VTI1A: variants seen among roughly 807,000 people sequenced by gnomAD.
VTI1A encodes vesicle transport through interaction with t-SNAREs homolog 1A.
VTI1A carries 22 observed loss-of-function variants against 34.9 expected under a neutral mutation model. The ratio of observed to expected loss-of-function variants is 0.63; its 90% CI spans 0.45 to 0.90. The LOEUF (loss-of-function observed/expected upper bound fraction) is 0.90. Ranked by LOEUF, VTI1A falls within the 40% of genes least tolerant of loss-of-function variation. VTI1A has a pLI of 0.00. For synonymous variants in VTI1A, 87 were observed against 97.3 expected, an observed-to-expected ratio of 0.89 and a Z score of 0.62; for missense variants, 268 against 275.6, an observed-to-expected ratio of 0.97 and a Z score of 0.20.
At chr10:112,628,705 A>G (rs763808817) in intron 5 of VTI1A, among the ~76,000 whole-genome samples, 4 of 152,174 alleles carry the variant, frequency 2.6e-5, no homozygotes, top group Non-Finnish European at 5.9e-5. Flanking sequence ...TTGCTGCTTT[A>G]CGGTTTTCTT....
Position 112,697,403 on chromosome 10 carries a change from T to TC in VTI1A, c.560+28405_560+28406insC, listed in dbSNP as rs56785135. On this transcript the variant is annotated intron_variant, in intron 7 of 7. Transcript: ENST00000393077. Reference sequence around the variant, plus strand: ...TCTTTTCTTTTCTTTTCTTTTCTTTTTTTTTTTTTTTTTGAGAGAGTGTTT... The same window carrying TC: ...TCTTTTCTTTTCTTTTCTTTTCTTTTCTTTTTTTTTTTTTGAGAGAGTGTTT... Among the ~76,000 whole-genome samples, 889 of 146,584 alleles carry TC rather than the reference T, an allele frequency of 6.1e-3. 7 individuals are homozygous for TC. The highest frequency in any genetic ancestry group is 9.8e-3 in the Non-Finnish European group (646 of 66,210).
chr10:112,719,693 T>C (rs1849731384), intron 7 of VTI1A, among the ~76,000 whole-genome samples: 1 of 152,142 alleles, frequency 6.6e-6, no homozygotes, highest in Admixed American at 6.5e-5. Context: ...ATTACAGGCA[T>C]GCGCCACCAC....
intron 7 of VTI1A, among the ~76,000 whole-genome samples, chr10:112,686,839 G>C (rs1564883691): frequency 3.3e-5 from 5 of 152,086 alleles, no homozygotes. Flanking sequence ...GTTTTTCTAA[G>C]GCTTCTGAAA....
chr10:112,706,975 A>T (rs1417293400), intron 7 of VTI1A, among the ~76,000 whole-genome samples: 4 of 152,198 alleles, frequency 2.6e-5, no homozygotes, highest in Non-Finnish European at 5.9e-5. Context: ...AACACAAAAA[A>T]ATGTGGTGAG....
At chr10:112,836,525 G>A in the VTI1A span, among the ~76,000 whole-genome samples, 2 of 152,066 alleles carry the variant, frequency 1.3e-5, no homozygotes, top group Non-Finnish European at 2.9e-5. Flanking sequence ...CTTTCCCTCC[G>A]CTACCTCATA....
intron 7 of VTI1A, among the ~76,000 whole-genome samples, chr10:112,673,250 A>G (rs1847912062): frequency 6.6e-6 from 1 of 151,122 alleles, no homozygotes; most frequent in Non-Finnish European, 1.5e-5. Context: ...GGGAGGCGAA[A>G]GGTTGCAGCG....
intron 3 of VTI1A, among the ~76,000 whole-genome samples, chr10:112,490,632 CTAAG>C (rs1342427557): frequency 7.5e-6 from 1 of 133,908 alleles, no homozygotes; most frequent in East Asian, 2.1e-4. Context: ...TTTTTTTAAA[CTAAG>C]TATTGTTCTG....
the VTI1A span, among the ~76,000 whole-genome samples, chr10:112,837,033 TG>T: frequency 6.6e-6 from 1 of 152,186 alleles, no homozygotes; most frequent in Non-Finnish European, 1.5e-5. Flanking sequence ...ATCAAAATCC[TG>T]GGAAGGGGCT....
At chr10:112,467,461 G>A (rs1847934156) in intron 3 of VTI1A, among the ~76,000 whole-genome samples, 1 of 151,592 alleles carries the variant, frequency 6.6e-6, no homozygotes, top group Non-Finnish European at 1.5e-5. Context: ...GATAGCTGAT[G>A]AGCTAAAAAA....
At chr10:112,736,676 G>A (rs1317333308) in intron 7 of VTI1A, 1 of 1,551,096 alleles carries the variant, frequency 6.4e-7, no homozygotes, top group Non-Finnish European at 8.7e-7. Flanking sequence ...TTAGCAATGA[G>A]GGATGGTGAG....
chr10:112,633,048 G>C (rs1589999564), intron 5 of VTI1A, among the ~76,000 whole-genome samples: 1 of 152,144 alleles, frequency 6.6e-6, no homozygotes, highest in Non-Finnish European at 1.5e-5. Context: ...TGGGCTGGGC[G>C]TGGTGGCTCA....
chr10:112,714,723 G>A (rs537732546), intron 7 of VTI1A, among the ~76,000 whole-genome samples: 4 of 152,348 alleles, frequency 2.6e-5, no homozygotes, highest in African/African-American at 9.6e-5. Context: ...TCAGATGGGT[G>A]CCCAGGCACA....
At chr10:112,687,052 G>C (rs1848440003) in intron 7 of VTI1A, among the ~76,000 whole-genome samples, 1 of 151,900 alleles carries the variant, frequency 6.6e-6, no homozygotes, top group Admixed American at 6.6e-5. Context: ...GCTGAGTGTG[G>C]CATAATCAGA....
At chr10:112,840,635 C>A in the VTI1A span, among the ~76,000 whole-genome samples, 3 of 152,212 alleles carry the variant, frequency 2.0e-5, no homozygotes, top group Non-Finnish European at 4.4e-5. Flanking sequence ...GCCCCACTGC[C>A]TGCTTGCCCA....
At chr10:112,519,265 G>T (rs1363751798) in intron 3 of VTI1A, among the ~76,000 whole-genome samples, 2 of 152,086 alleles carry the variant, frequency 1.3e-5, no homozygotes, top group Non-Finnish European at 2.9e-5. Context: ...CATCTTAATA[G>T]CTGGTGCGGC....
At chr10:112,803,133 A>G (rs978689193) in intron 7 of VTI1A, among the ~76,000 whole-genome samples, 2 of 152,056 alleles carry the variant, frequency 1.3e-5, no homozygotes, top group Non-Finnish European at 2.9e-5. Flanking sequence ...TAATGGTTCA[A>G]TCTCGGCTCA....
chr10:112,796,573 A>G (rs1380458521), intron 7 of VTI1A, among the ~76,000 whole-genome samples: 1 of 152,174 alleles, frequency 6.6e-6, no homozygotes, highest in Non-Finnish European at 1.5e-5. Flanking sequence ...GGCTCCTCTC[A>G]TATAAAAGAG....
intron 7 of VTI1A, among the ~76,000 whole-genome samples, chr10:112,704,361 A>G (rs767220839): frequency 1.3e-5 from 2 of 151,934 alleles, no homozygotes; most frequent in African/African-American, 2.4e-5. Context: ...TGAGTAATCA[A>G]ATTCTTAGAT....
At chr10:112,746,506 T>C (rs981225041) in intron 7 of VTI1A, among the ~76,000 whole-genome samples, 1 of 152,188 alleles carries the variant, frequency 6.6e-6, no homozygotes, top group African/African-American at 2.4e-5. Context: ...ACAGAACAAG[T>C]GTGTTTGCCA....
Sources: gnomAD v4.1 joint callset for allele counts (sites outside exome capture counted in the v4.1 genomes callset) on GRCh38, gnomAD v4.1.1 for gene constraint, MANE v1.5 for transcripts, NCBI Gene and HGNC (gene_info 2026-07-23, HGNC 2026-07-21) for gene names.